The following LRRK1 variants were observed in gnomAD, a reference collection of about 807,000 sequenced individuals.
The protein encoded by LRRK1 is leucine rich repeat kinase 1, also known as leucine-rich repeat serine/threonine-protein kinase 1.
A neutral mutation model predicts 209.1 loss-of-function variants in LRRK1; 113 were observed. The ratio of observed to expected loss-of-function variants is 0.54; its 90% CI spans 0.46 to 0.63. LRRK1 has a LOEUF of 0.63. LRRK1 is among the 30% of genes least tolerant of loss of function. The pLI, the probability that LRRK1 is intolerant of heterozygous loss-of-function variation, is 0.00. For missense variants in LRRK1, 2,284 were observed against 2,632.2 expected (o/e 0.87, Z 2.89); for synonymous variants, 1,144 against 1,099.7 (o/e 1.04, Z -0.80).
chr15:100,962,802 T>TAC, intron 2 of LRRK1, among the ~76,000 whole-genome samples: 1 of 18,120 alleles, frequency 5.5e-5, no homozygotes. Flanking sequence ...TGCATATATA[T>TAC]ATATATATAT....
Position 101,048,721 on chromosome 15 carries a change from C to T in LRRK1, c.3299+64C>T, listed in dbSNP as rs550711373. ...TGCCACAGCAGCCACCGCGGGGCCACGTCAGCAGGATGCCTCATCCTCTTG... is the reference window on the plus strand; with the variant it reads ...TGCCACAGCAGCCACCGCGGGGCCATGTCAGCAGGATGCCTCATCCTCTTG... On this transcript the variant is annotated intron_variant, in intron 22 of 33. Transcript: ENST00000388948. 5.6e-5 allele frequency: 75 copies of T among 1,343,640 alleles called. No homozygotes were observed. In the African/African-American group the frequency reaches 9.9e-4, roughly 18 times the overall value. 83.2% of individuals were successfully genotyped at this position (1,343,640 alleles called of 1,614,324 possible). A position where few individuals can be genotyped will look rare whatever the true frequency, so the allele number is the denominator to read the frequency against.
At chr15:100,951,085 A>G (rs1173778581) in intron 2 of LRRK1, among the ~76,000 whole-genome samples, 1 of 152,256 alleles carries the variant, frequency 6.6e-6, no homozygotes, top group South Asian at 2.1e-4. Flanking sequence ...CCTGGGCTAC[A>G]GAGTGAGACT....
At chr15:100,972,353 AGAGAGAGAGAGTGTGTGTGTGTGT>A (rs2030957733) in intron 2 of LRRK1, among the ~76,000 whole-genome samples, 1 of 133,854 alleles carries the variant, frequency 7.5e-6, no homozygotes, top group Non-Finnish European at 1.6e-5. Context: ...AGAGAGAGAG[AGAGAGAGAGAGTGTGTGTGTGTGT>A]GTGTGTGTGT....
chr15:101,031,270 G>A (rs751513347), intron 20 of LRRK1, among the ~76,000 whole-genome samples: 5 of 152,162 alleles, frequency 3.3e-5, no homozygotes, highest in Non-Finnish European at 7.4e-5. Flanking sequence ...CCTTCCAGTC[G>A]CTTCCCATCC....
At chr15:100,962,804 T>TAC (rs1252133441) in intron 2 of LRRK1, among the ~76,000 whole-genome samples, 8,487 of 34,362 alleles carry the variant, frequency 0.25, 1,891 homozygotes, top group Middle Eastern at 0.36. Context: ...CATATATATA[T>TAC]ATATATATAT....
At chr15:100,930,018 C>T (rs1038076192) in intron 2 of LRRK1, among the ~76,000 whole-genome samples, 8 of 152,200 alleles carry the variant, frequency 5.3e-5, no homozygotes, top group African/African-American at 1.9e-4. Flanking sequence ...TTCGTTTTAA[C>T]CTGAGGCTTA....
intron 33 of LRRK1, among the ~76,000 whole-genome samples, chr15:101,067,711 A>T (rs1033691509): frequency 1.3e-5 from 2 of 152,176 alleles, no homozygotes; most frequent in Non-Finnish European, 2.9e-5. Context: ...GTGGTTCTGG[A>T]AGCAAGATCT....
At chr15:101,056,610 AATGG>A (rs913204597) in intron 27 of LRRK1, among the ~76,000 whole-genome samples, 2 of 152,044 alleles carry the variant, frequency 1.3e-5, no homozygotes, top group Non-Finnish European at 2.9e-5. Context: ...AAGACAAGCA[AATGG>A]ATGGATGGGT....
At chr15:100,957,974 T>G (rs7183936) in intron 2 of LRRK1, among the ~76,000 whole-genome samples, 37,898 of 152,064 alleles carry the variant, frequency 0.25, 5,203 homozygotes, top group East Asian at 0.52. Flanking sequence ...CAAGTGATTC[T>G]CCTGCCTCAG....
chr15:101,033,180 C>A lies in LRRK1; in HGVS notation c.2963+3948C>A, dbSNP rs185095180. Among the ~76,000 whole-genome samples the A allele has an allele frequency of 1.8e-3, 281 of 152,242 alleles. 1 individual carries two copies. Among genetic ancestry groups the A allele is most frequent in the African/African-American group, 6.3e-3 (262 of 41,536 alleles). On this transcript the variant is annotated intron_variant, in intron 20 of 33. Transcript: ENST00000388948. The stretch of plus-strand genomic sequence containing the variant: ...TAATATTTTACGTATTTATGGGGTA[C>A]AGGTGAGTAGTTTTTACATGTGTAG...
intron 28 of LRRK1, 46 bp downstream of exon 28, chr15:101,057,096 G>A (rs768564658): frequency 4.6e-6 from 7 of 1,511,984 alleles, no homozygotes; most frequent in Non-Finnish European, 6.2e-6. Flanking sequence ...CCTGCCATGT[G>A]AGGAAGCTGT....
At chr15:100,982,284 A>G (rs1050254933) in intron 3 of LRRK1, among the ~76,000 whole-genome samples, 4 of 152,232 alleles carry the variant, frequency 2.6e-5, no homozygotes, top group Admixed American at 2.6e-4. Context: ...AGCCCACAGG[A>G]GGCAGCCAGC....
chr15:101,017,167 C>T (rs11638367), intron 12 of LRRK1, among the ~76,000 whole-genome samples: 89,345 of 151,924 alleles, frequency 0.59, 27,658 homozygotes, highest in Middle Eastern at 0.76. Context: ...CTTTCTTCTT[C>T]AGTTTGATAG....
intron 17 of LRRK1, among the ~76,000 whole-genome samples, chr15:101,026,400 T>A (rs1234739396): frequency 6.6e-6 from 1 of 152,242 alleles, no homozygotes; most frequent in African/African-American, 2.4e-5. Context: ...AAATGCATGG[T>A]GCCTATTGAA....
chr15:100,983,085 G>A (rs114895863), intron 3 of LRRK1, among the ~76,000 whole-genome samples: 1,559 of 152,246 alleles, frequency 0.01, 32 homozygotes, highest in African/African-American at 0.036. Flanking sequence ...TGAGGCAGGG[G>A]GATCACTTTA....
chr15:101,063,248 C>A (rs376745397), intron 31 of LRRK1, among the ~76,000 whole-genome samples: 1 of 152,350 alleles, frequency 6.6e-6, no homozygotes, highest in South Asian at 2.1e-4. Context: ...CCATTAAAGG[C>A]CCAGCCAGCT....
chr15:100,943,984 C>T (rs1000427171), intron 2 of LRRK1, among the ~76,000 whole-genome samples: 1 of 152,024 alleles, frequency 6.6e-6, no homozygotes, highest in African/African-American at 2.4e-5. Flanking sequence ...GGTCGTGATC[C>T]CTTATCTTAA....
At chr15:100,953,508 CTATATATATATA>C (rs60971994) in intron 2 of LRRK1, among the ~76,000 whole-genome samples, 2 of 146,526 alleles carry the variant, frequency 1.4e-5, no homozygotes, top group Non-Finnish European at 1.5e-5. Context: ...ATGTGTGTGT[CTATATATATATA>C]TATATATATA....
In LRRK1 at chr15:101,022,424, A is replaced by C. The variant is rs1347137222; in HGVS notation, c.1894A>C (p.Lys632Gln). The C allele has an allele frequency of 5.0e-6, 8 of 1,614,220 alleles. No homozygotes were observed. Among genetic ancestry groups the C allele is most frequent in the Non-Finnish European group, 6.8e-6 (8 of 1,180,036 alleles). ...MLSYLRAQLR[K>Q]AEKCKLMKMI... ...GTCTTACCTGCGTGCTCAGCTGCGGAAAGCGGAAAAGTGCAAGCTGATGAA... is the reference window on the plus strand; with the variant it reads ...GTCTTACCTGCGTGCTCAGCTGCGGCAAGCGGAAAAGTGCAAGCTGATGAA... Residue 632 changes from lysine to glutamine, a missense_variant, in exon 15 of 34, where the codon AAA becomes CAA. By Grantham distance (53) the Lys-to-Gln change is moderately conservative. Around this residue, in one of 6 missense-constraint regions of LRRK1, gnomAD observed 494 missense variants for 522.1 expected, o/e 0.95. Transcript: ENST00000388948. This position sits in a 1 kb window ranked among gnomAD's most constrained non-coding sequence, Gnocchi z 4.0.
Sources: allele counts gnomAD v4.1 joint callset (sites outside exome capture counted in the v4.1 genomes callset), GRCh38; gene constraint gnomAD v4.1.1; regional missense constraint gnomAD v4.1.1; non-coding constraint Gnocchi (gnomAD v3.1); transcripts MANE v1.5; gene names NCBI Gene and HGNC (gene_info 2026-07-23, HGNC 2026-07-21).